The following NAALADL2 variants were observed in gnomAD, a reference collection of about 807,000 sequenced individuals.
NAALADL2 encodes N-acetylated alpha-linked acidic dipeptidase like 2, also known as inactive N-acetylated-alpha-linked acidic dipeptidase-like protein 2.
A neutral mutation model predicts 87.2 loss-of-function variants in NAALADL2; 76 were observed. The observed-to-expected ratio is 0.87, with a 90% CI of 0.72 to 1.05. The LOEUF (loss-of-function observed/expected upper bound fraction) is 1.05, where lower values mean the gene tolerates loss of function less well. NAALADL2 is among the 50% of genes least tolerant of loss of function. The pLI, the probability that NAALADL2 is intolerant of heterozygous loss-of-function variation, is 0.00. For synonymous variants in NAALADL2, 354 were observed against 331.0 expected, an observed-to-expected ratio of 1.07 and a Z score of -0.75; for missense variants, 1,089 against 945.8, an observed-to-expected ratio of 1.15 and a Z score of -1.99.
intron 5 of NAALADL2, among the ~76,000 whole-genome samples, chr3:175,331,771 A>G (rs1761430137): frequency 6.6e-6 from 1 of 152,216 alleles, no homozygotes; most frequent in African/African-American, 2.4e-5. Flanking sequence ...GGCAAAAGAA[A>G]GAAATAAAAA....
At chr3:174,837,671 A>G (rs112165899) in intron 3 of NAALADL2, among the ~76,000 whole-genome samples, 26,864 of 151,826 alleles carry the variant, frequency 0.18, 2,913 homozygotes, top group African/African-American at 0.31. Flanking sequence ...GTGCGCACCT[A>G]TAATCCCAGC....
chr3:175,489,928 T>G (rs1727813269), intron 9 of NAALADL2, among the ~76,000 whole-genome samples: 1 of 152,212 alleles, frequency 6.6e-6, no homozygotes, highest in Admixed American at 6.5e-5. Context: ...TCCCTTTCTT[T>G]TAGGAAAGTA....
chr3:175,788,849 T>G (rs1312693521), intron 13 of NAALADL2, among the ~76,000 whole-genome samples: 3 of 152,184 alleles, frequency 2.0e-5, no homozygotes, highest in Non-Finnish European at 4.4e-5. Flanking sequence ...TATATAAACT[T>G]ACATGACAGG....
intron 5 of NAALADL2, among the ~76,000 whole-genome samples, chr3:175,439,071 C>T (rs535318867): frequency 3.2e-4 from 49 of 152,178 alleles, no homozygotes; most frequent in African/African-American, 9.4e-4. Context: ...CTCATAGCTT[C>T]GCTACTACTT....
At chr3:175,356,423 T>C (rs1387601584) in intron 5 of NAALADL2, among the ~76,000 whole-genome samples, 1 of 151,234 alleles carries the variant, frequency 6.6e-6, no homozygotes, top group Non-Finnish European at 1.5e-5. Context: ...AAACTAAAAA[T>C]AAATTAGCTA....
chr3:174,832,992 C>T (rs1385029104), intron 3 of NAALADL2, among the ~76,000 whole-genome samples: 1 of 152,150 alleles, frequency 6.6e-6, no homozygotes, highest in African/African-American at 2.4e-5. Flanking sequence ...TCTACATCTA[C>T]ATCTCTCTAC....
chr3:175,358,913 C>T (rs1240917870), intron 5 of NAALADL2, among the ~76,000 whole-genome samples: 1 of 151,908 alleles, frequency 6.6e-6, no homozygotes, highest in East Asian at 1.9e-4. Flanking sequence ...GAGAATTAGC[C>T]CCACAGCTGT....
At chr3:175,302,603 G>A (rs1474054460) in intron 4 of NAALADL2, among the ~76,000 whole-genome samples, 1 of 152,018 alleles carries the variant, frequency 6.6e-6, no homozygotes, top group South Asian at 2.1e-4. Context: ...TATTAAATAT[G>A]CTGTATTACT....
At chr3:175,599,324 A>G (rs1722652654) in intron 10 of NAALADL2, among the ~76,000 whole-genome samples, 1 of 152,164 alleles carries the variant, frequency 6.6e-6, no homozygotes, top group Admixed American at 6.5e-5. Flanking sequence ...GGTTATCATT[A>G]TAATTATAAT....
rs566875557 is a variant in NAALADL2 at position 174,830,593 on chromosome 3, C to T, written c.-9+92847C>T. On this transcript the variant is annotated intron_variant, in intron 3 of 3. Transcript: ENST00000434257. ...TTGGCTTAGGATTGACTTGGCGATG[C>T]GGGCTCTTTTTTGGTTCCATATGAA... Among the ~76,000 whole-genome samples the T allele has an allele frequency of 1.9e-3, 283 of 151,838 alleles. 1 individual carries two copies. Among genetic ancestry groups the T allele is most frequent in the African/African-American group, 5.7e-3 (238 of 41,418 alleles).
At position 174,646,395 on chromosome 3, in the gene NAALADL2, T is replaced by C. The variant is rs577994139; in HGVS notation, c.-114-91246T>C. ...CTTTCCCTTTTATTTTGCTTTCTAG[T>C]TTGGCTGAAGGAATGCATGAAAACA... On this transcript the variant is annotated intron_variant, in intron 2 of 3. Transcript: ENST00000434257. Among the ~76,000 whole-genome samples, 7 of 152,270 alleles carry C rather than the reference T, an allele frequency of 4.6e-5. No homozygotes were observed. In the South Asian group the frequency reaches 8.3e-4, roughly 18 times the overall value.
intron 3 of NAALADL2, among the ~76,000 whole-genome samples, chr3:174,797,256 A>G (rs1718209268): frequency 6.7e-6 from 1 of 149,954 alleles, no homozygotes; most frequent in Middle Eastern, 3.5e-3. Context: ...GTAGGCTCTA[A>G]GTATGTGACT....
chr3:175,548,900 C>G (rs1252769891), intron 9 of NAALADL2, among the ~76,000 whole-genome samples: 1 of 151,950 alleles, frequency 6.6e-6, no homozygotes, highest in Admixed American at 6.6e-5. Flanking sequence ...TAGTAGTTAA[C>G]AGAATCAAAG....
intron 9 of NAALADL2, among the ~76,000 whole-genome samples, chr3:175,490,202 G>C (rs1011558410): frequency 6.6e-6 from 1 of 152,118 alleles, no homozygotes; most frequent in Non-Finnish European, 1.5e-5. Flanking sequence ...CTTCTTTGCT[G>C]TAATGGTGTG....
chr3:174,523,174 G>C (rs112319568), intron 1 of NAALADL2, among the ~76,000 whole-genome samples: 1,956 of 152,186 alleles, frequency 0.013, 36 homozygotes, highest in African/African-American at 0.046. Context: ...ATAGCAGCTT[G>C]AGTGAACTGA....
intron 9 of NAALADL2, among the ~76,000 whole-genome samples, chr3:175,564,840 G>A (rs1716850408): frequency 6.6e-6 from 1 of 152,166 alleles, no homozygotes; most frequent in South Asian, 2.1e-4. Context: ...ATTTAGATAT[G>A]ATCAGAGTAC....
chr3:175,628,103 T>C (rs1032832860), intron 11 of NAALADL2, among the ~76,000 whole-genome samples: 1 of 151,786 alleles, frequency 6.6e-6, no homozygotes, highest in Admixed American at 6.6e-5. Flanking sequence ...TTTTTTGACT[T>C]TATGGTGGTT....
At chr3:175,511,966 G>T (rs956796691) in intron 9 of NAALADL2, among the ~76,000 whole-genome samples, 5 of 152,160 alleles carry the variant, frequency 3.3e-5, no homozygotes, top group African/African-American at 1.2e-4. Flanking sequence ...CCTAGGCTGG[G>T]CATGGTGCCT....
chr3:175,131,715 G>C (rs1727912354), intron 2 of NAALADL2, among the ~76,000 whole-genome samples: 1 of 151,838 alleles, frequency 6.6e-6, no homozygotes, highest in African/African-American at 2.4e-5. Flanking sequence ...CCCAGTAGGG[G>C]TGGCCGGGCA....
Sources: gnomAD v4.1 joint callset for allele counts (sites outside exome capture counted in the v4.1 genomes callset) on GRCh38, gnomAD v4.1.1 for gene constraint, MANE v1.5 for transcripts, NCBI Gene and HGNC (gene_info 2026-07-23, HGNC 2026-07-21) for gene names.